Variants in NLRP4 observed in about 807,000 individuals in gnomAD.
NLRP4 encodes NLR family pyrin domain containing 4.
NLRP4 carries 44 observed loss-of-function variants against 84.7 expected under a neutral mutation model. The observed-to-expected ratio is 0.52, with a 90% confidence interval of 0.41 to 0.67. The LOEUF is 0.67. NLRP4 is among the 30% of genes least tolerant of loss of function. The pLI is 0.00. For synonymous variants in NLRP4, 544 were observed against 476.4 expected, an observed-to-expected ratio of 1.14 and a Z score of -1.85; for missense variants, 1,260 against 1,219.4, an observed-to-expected ratio of 1.03 and a Z score of -0.50.
intron 1 of NLRP4, among the ~76,000 whole-genome samples, chr19:55,840,588 C>G (rs934985324): frequency 6.6e-6 from 1 of 151,962 alleles, no homozygotes; most frequent in Non-Finnish European, 1.5e-5. Flanking sequence ...TTAGTAGAGA[C>G]GGGGTTTTAC....
chr19:55,863,577 C>G (rs1022568872), intron 5 of NLRP4, among the ~76,000 whole-genome samples: 5 of 152,104 alleles, frequency 3.3e-5, no homozygotes, highest in African/African-American at 1.2e-4. Flanking sequence ...GAAACCACCC[C>G]CATGATTCCG....
At chr19:55,838,609 T>A (rs1186994315) in intron 1 of NLRP4, among the ~76,000 whole-genome samples, 2 of 152,068 alleles carry the variant, frequency 1.3e-5, no homozygotes, top group Non-Finnish European at 2.9e-5. Flanking sequence ...ATGATGTGAT[T>A]TTACACTTAG....
rs73935417 is a variant in NLRP4 at position 55,846,701 on chromosome 19, T to C, written c.-65-5315T>C. 4.0e-3 allele frequency among the ~76,000 whole-genome samples: 611 copies of C among 152,272 alleles called. 9 individuals carry two copies. Among genetic ancestry groups the C allele is most frequent in the African/African-American group, 0.014 (599 of 41,562 alleles). On this transcript the variant is annotated intron_variant, in intron 1 of 9. Coordinates refer to ENST00000301295, the MANE Select transcript of NLRP4 (RefSeq NM_134444.5). The stretch of plus-strand genomic sequence containing the variant: ...CTAGGGAAGGACCTGGGGATTTGCA[T>C]AGCAAGTTACCAGTTGGTGCTGATG...
chr19:55,868,607 A>G (rs1985055132), intron 6 of NLRP4, among the ~76,000 whole-genome samples: 1 of 151,718 alleles, frequency 6.6e-6, no homozygotes, highest in African/African-American at 2.4e-5. Context: ...GGTTCAAGCA[A>G]TTCCCCTGCC....
intron 1 of NLRP4, among the ~76,000 whole-genome samples, chr19:55,849,055 A>C (rs568038240): frequency 6.8e-4 from 104 of 152,254 alleles, no homozygotes; most frequent in African/African-American, 2.5e-3. Context: ...TAAATTACCC[A>C]GTCTTGGGTA....
intron 1 of NLRP4, among the ~76,000 whole-genome samples, chr19:55,848,723 A>G (rs1983898931): frequency 6.6e-6 from 1 of 152,160 alleles, no homozygotes; most frequent in Non-Finnish European, 1.5e-5. Context: ...TTTAAAAAGA[A>G]GTCTCTATGT....
At chr19:55,867,287 C>G (rs554561649) in intron 5 of NLRP4, among the ~76,000 whole-genome samples, 1 of 151,088 alleles carries the variant, frequency 6.6e-6, no homozygotes, top group South Asian at 2.1e-4. Context: ...CTCTGTACCC[C>G]AGAGACCGTA....
intron 3 of NLRP4, 126 bp from the exon 4 acceptor site, chr19:55,861,260 T>C (rs1984738231): frequency 2.6e-6 from 2 of 769,630 alleles, no homozygotes; most frequent in South Asian, 1.9e-5. Flanking sequence ...GTCCCGTTCC[T>C]TCTGACTGAG....
chr19:55,860,133 C>A (rs575752548), intron 3 of NLRP4, among the ~76,000 whole-genome samples: 13 of 151,762 alleles, frequency 8.6e-5, no homozygotes, highest in Admixed American at 5.9e-4. Context: ...CTAGAGGGGC[C>A]CGCCACCACA....
intron 1 of NLRP4, among the ~76,000 whole-genome samples, chr19:55,847,691 G>A (rs1024078423): frequency 7.9e-6 from 1 of 125,806 alleles, no homozygotes; most frequent in African/African-American, 4.2e-5. Flanking sequence ...TCTTTCTTCA[G>A]ATTCCCCCCT....
intron 5 of NLRP4, among the ~76,000 whole-genome samples, chr19:55,864,574 A>C (rs8104511): frequency 0.25 from 38,387 of 152,096 alleles, 5,022 homozygotes; most frequent in Middle Eastern, 0.36. Flanking sequence ...ACTTGTAACC[A>C]GGAGTAGACT....
chr19:55,861,309 G>C (rs760236228), intron 3 of NLRP4, 77 bp from the exon 4 acceptor site: 9 of 1,228,620 alleles, frequency 7.3e-6, no homozygotes, highest in Non-Finnish European at 9.4e-6. Context: ...TGAGAAGACA[G>C]CGTAGTGCGT....
At chr19:55,847,853 T>G (rs1600221028) in intron 1 of NLRP4, among the ~76,000 whole-genome samples, 1 of 152,094 alleles carries the variant, frequency 6.6e-6, no homozygotes, top group Non-Finnish European at 1.5e-5. Context: ...TAGCTGAGAC[T>G]ACAGACACCT....
chr19:55,861,881 G>GGCT, intron 4 of NLRP4, 111 bp from the exon 5 acceptor site: 1 of 803,742 alleles, frequency 1.2e-6, no homozygotes, highest in South Asian at 1.6e-5. Flanking sequence ...TGTGTCATTG[G>GGCT]GCTGTGAAAT....
At chr19:55,863,553 G>C (rs571999311) in intron 5 of NLRP4, among the ~76,000 whole-genome samples, 2 of 152,232 alleles carry the variant, frequency 1.3e-5, no homozygotes, top group East Asian at 3.9e-4. Flanking sequence ...CTAGGGGATG[G>C]TGGTAAATCA....
rs1984783947 is a variant in NLRP4, at chr19:55,862,124, C to G, written c.2151C>G (p.Ala717=). 6.2e-7 allele frequency: 1 copy of G among 1,614,002 alleles called. No homozygotes were observed. Among genetic ancestry groups the G allele is most frequent in the African/African-American group, 1.3e-5 (1 of 75,066 alleles). Reference sequence around the variant, plus strand: ...ATGACATCAGGTCCCTCTGTGATGCCTTGAACTACCCAGCAGGCAACGTCA... The same window carrying G: ...ATGACATCAGGTCCCTCTGTGATGCGTTGAACTACCCAGCAGGCAACGTCA... ...SRDDIRSLCD[A]LNYPAGNVKE... Residue 717 remains alanine, a synonymous_variant, in exon 5 of 10, where the codon GCC becomes GCG. Coordinates refer to ENST00000301295, the MANE Select transcript of NLRP4 (RefSeq NM_134444.5).
Position 55,858,070 on chromosome 19 carries a change from T to G in NLRP4, c.677T>G (p.Leu226Arg). 6.2e-7 allele frequency: 1 copy of G among 1,614,150 alleles called. No homozygotes were observed. ...ITEIVSQPER[L>R]LFVIDSFEEL... ...GAGATCGTGTCTCAACCGGAGAGAC[T>G]CTTGTTCGTCATCGACAGCTTCGAA... Residue 226 changes from leucine to arginine, a missense_variant, in exon 3 of 10, where the codon CTC becomes CGC. Leu to Arg is a moderately radical substitution (Grantham distance 102). Transcript: ENST00000301295. This position sits in a 1 kb window ranked among gnomAD's most constrained non-coding sequence, Gnocchi z 4.2.
At position 55,858,310 on chromosome 19, in the gene NLRP4, A is replaced by C. The variant is rs768213566; in HGVS notation, c.917A>C (p.Asp306Ala). The change falls in exon 3 of 10, where the codon GAT (aspartate) becomes GCT (alanine). Residue 306 changes from aspartate (D) to alanine (A), a missense_variant. By Grantham distance (126) the Asp-to-Ala change is moderately radical (BLOSUM62 -2). Coordinates refer to ENST00000301295, the MANE Select transcript of NLRP4 (RefSeq NM_134444.5). This position sits in a 1 kb window ranked among gnomAD's most constrained non-coding sequence, Gnocchi z 4.2. The part of the protein sequence containing the change: ...IYQPRGFNES[D>A]RLVYFCCFFK... The stretch of plus-strand genomic sequence containing the variant: ...CAGCCCCGGGGATTCAACGAGAGTG[A>C]TAGGTTAGTGTATTTCTGCTGTTTC... The C allele has an allele frequency of 8.1e-6, 13 of 1,614,052 alleles. No individual in the cohort carries two copies. The East Asian group carries it at 2.9e-4, about 36-fold the overall frequency.
At chr19:55,857,319 CAATG>C in intron 2 of NLRP4, 1 of 247,572 alleles carries the variant, frequency 4.0e-6, no homozygotes. Context: ...TACGTAGTAG[CAATG>C]AATGTGTGTG....
Sources: allele counts gnomAD v4.1 joint callset (sites outside exome capture counted in the v4.1 genomes callset), GRCh38; gene constraint gnomAD v4.1.1; non-coding constraint Gnocchi (gnomAD v3.1); transcripts MANE v1.5; gene names NCBI Gene and HGNC (gene_info 2026-07-23, HGNC 2026-07-21).